The following CSMD1 variants were observed in gnomAD, a reference collection of about 807,000 sequenced individuals.
The protein encoded by CSMD1 is CUB and Sushi multiple domains 1, also known as CUB and sushi domain-containing protein 1.
CSMD1 carries 213 observed loss-of-function variants against 417.5 expected under a neutral mutation model. The ratio of observed to expected loss-of-function variants is 0.51; its 90% confidence interval spans 0.46 to 0.57. CSMD1 has a LOEUF of 0.57. Among genes scored for constraint, CSMD1 ranks in the 20% least tolerant of loss-of-function variants. The probability of loss-of-function intolerance (pLI) is 0.00; values close to 1 mark genes in which losing one functional copy is unlikely to be tolerated. For missense variants in CSMD1, 6,923 were observed against 4,529.7 expected (o/e 1.53, Z -15.17); for synonymous variants, 2,862 against 1,736.8 (o/e 1.65, Z -16.11).
intron 1 of CSMD1, among the ~76,000 whole-genome samples, chr8:4,704,843 T>C (rs1807817089): frequency 6.6e-6 from 1 of 152,136 alleles, no homozygotes; most frequent in Non-Finnish European, 1.5e-5. Flanking sequence ...TCTATGCTGA[T>C]GGGGCAAAAC....
chr8:3,419,299 A>T lies in CSMD1; in HGVS notation c.1562-9694T>A, dbSNP rs911482954. Among the ~76,000 whole-genome samples, 9 of 152,232 alleles carry T rather than the reference A, an allele frequency of 5.9e-5. No individual in the cohort carries two copies. The South Asian group carries it at 1.9e-3, about 32-fold the overall frequency. ...TGATTCTTGAGTTCAGGTTCACTGT[A>T]AACTTCAAAAATAAAACTAACTCCA... On this transcript the variant is annotated intron_variant, in intron 12 of 69. Transcript: ENST00000635120.
At chr8:3,698,195 G>C (rs143662148) in intron 7 of CSMD1, among the ~76,000 whole-genome samples, 2 of 152,134 alleles carry the variant, frequency 1.3e-5, no homozygotes, top group South Asian at 2.1e-4. Flanking sequence ...CATAGCACTT[G>C]AAAAGATATT....
chr8:4,291,650 G>C (rs1797373155), intron 3 of CSMD1, among the ~76,000 whole-genome samples: 1 of 152,120 alleles, frequency 6.6e-6, no homozygotes, highest in African/African-American at 2.4e-5. Context: ...CCGCAATATG[G>C]AGAACATTTC....
At chr8:4,475,866 C>G (rs546605204) in intron 2 of CSMD1, among the ~76,000 whole-genome samples, 1 of 152,158 alleles carries the variant, frequency 6.6e-6, no homozygotes, top group African/African-American at 2.4e-5. Context: ...ACCTGCCTTA[C>G]GCTCCGAAAG....
intron 2 of CSMD1, among the ~76,000 whole-genome samples, chr8:4,458,480 G>A (rs1219909626): frequency 1.3e-5 from 2 of 152,062 alleles, no homozygotes; most frequent in Admixed American, 6.6e-5. Context: ...CTATTGCTAA[G>A]CATGCATATT....
In CSMD1 at chr8:4,821,769, T is replaced by C. The variant is rs144857326; in HGVS notation, c.85+172563A>G. On this transcript the variant is annotated intron_variant, in intron 1 of 69. Transcript: ENST00000635120. ...AGTGATGTTACCTTTCCTAACACTA[T>C]ATTGATGTTACAACTCTCTAGCAAT... Among the ~76,000 whole-genome samples the C allele has an allele frequency of 1.6e-3, 237 of 152,232 alleles. 2 individuals are homozygous for C. Among genetic ancestry groups the C allele is most frequent in the African/African-American group, 5.5e-3 (227 of 41,542 alleles).
chr8:4,407,857 G>A (rs540776404), intron 3 of CSMD1, among the ~76,000 whole-genome samples: 1 of 152,268 alleles, frequency 6.6e-6, no homozygotes, highest in East Asian at 1.9e-4. Context: ...AAAATCAGAT[G>A]TGGAATGTTG....
intron 25 of CSMD1, among the ~76,000 whole-genome samples, chr8:3,296,430 G>A (rs931982823): frequency 7.2e-5 from 11 of 152,244 alleles, no homozygotes; most frequent in African/African-American, 2.6e-4. Flanking sequence ...GGAGAGAGGT[G>A]CCTACGCACA....
chr8:3,478,102 C>T (rs1396106138), intron 11 of CSMD1, among the ~76,000 whole-genome samples: 10 of 152,206 alleles, frequency 6.6e-5, no homozygotes, highest in Non-Finnish European at 1.5e-4. Flanking sequence ...TACTTTGACT[C>T]ATGCACACGC....
chr8:3,395,178 C>T (rs186137795), intron 17 of CSMD1, among the ~76,000 whole-genome samples: 108 of 152,214 alleles, frequency 7.1e-4, no homozygotes, highest in African/African-American at 2.3e-3. Flanking sequence ...TAAAATCATA[C>T]GTGTGGGTAT....
chr8:4,408,200 T>C lies in CSMD1; in HGVS notation c.415+11753A>G, dbSNP rs532684129. On this transcript the variant is annotated intron_variant, in intron 3 of 69. Transcript: ENST00000635120. ...GATGTATACAAATCAGTGTTGCAAG[T>C]TGACAGGCCCCAGGCCATTCCTCCT... Among the ~76,000 whole-genome samples the C allele has an allele frequency of 1.2e-4, 18 of 152,368 alleles. 1 individual carries two copies. In the South Asian group the frequency reaches 3.5e-3, roughly 30 times the overall value.
intron 1 of CSMD1, among the ~76,000 whole-genome samples, chr8:4,875,580 C>G (rs1269482191): frequency 6.6e-6 from 1 of 151,974 alleles, no homozygotes; most frequent in Non-Finnish European, 1.5e-5. Context: ...CACCATGATT[C>G]GAAGCTGGTT....
chr8:4,827,799 C>G (rs1799923608), intron 1 of CSMD1, among the ~76,000 whole-genome samples: 1 of 152,164 alleles, frequency 6.6e-6, no homozygotes, highest in Non-Finnish European at 1.5e-5. Flanking sequence ...GCTTAAACCC[C>G]TGGAAAATTT....
intron 7 of CSMD1, among the ~76,000 whole-genome samples, chr8:3,685,329 T>G (rs1799892033): frequency 6.6e-6 from 1 of 152,172 alleles, no homozygotes; most frequent in African/African-American, 2.4e-5. Flanking sequence ...TGTAAAAATT[T>G]TTTGAATCTT....
intron 1 of CSMD1, among the ~76,000 whole-genome samples, chr8:4,642,036 A>G (rs1803225595): frequency 6.6e-6 from 1 of 152,210 alleles, no homozygotes; most frequent in African/African-American, 2.4e-5. Flanking sequence ...CCAGTCCTGC[A>G]GGAACCAGTA....
At chr8:4,442,854 A>G (rs1252117103) in intron 2 of CSMD1, among the ~76,000 whole-genome samples, 1 of 152,178 alleles carries the variant, frequency 6.6e-6, no homozygotes, top group Non-Finnish European at 1.5e-5. Flanking sequence ...ATGATTTGAG[A>G]TGGGACTGTA....
intron 5 of CSMD1, among the ~76,000 whole-genome samples, chr8:3,853,786 G>A (rs1399228366): frequency 1.3e-5 from 2 of 151,180 alleles, no homozygotes; most frequent in Non-Finnish European, 2.9e-5. Flanking sequence ...GAGTTACTGG[G>A]TGCAGCACAC....
At chr8:3,861,161 G>C (rs1433690780) in intron 5 of CSMD1, among the ~76,000 whole-genome samples, 4 of 152,178 alleles carry the variant, frequency 2.6e-5, no homozygotes, top group South Asian at 4.2e-4. Flanking sequence ...ACTGTCCTTG[G>C]TTCCTTCATG....
intron 46 of CSMD1, among the ~76,000 whole-genome samples, chr8:3,104,710 CTTT>C (rs34005345): frequency 2.2e-5 from 3 of 135,016 alleles, no homozygotes; most frequent in Admixed American, 7.6e-5. Flanking sequence ...TTTTTCTTTT[CTTT>C]TTTTTTTTTT....
Sources: allele counts gnomAD v4.1 joint callset (sites outside exome capture counted in the v4.1 genomes callset), GRCh38; gene constraint gnomAD v4.1.1; transcripts MANE v1.5; gene names NCBI Gene and HGNC (gene_info 2026-07-23, HGNC 2026-07-21).